NOMO2: variants seen among roughly 807,000 people sequenced by gnomAD.
NOMO2 encodes BOS complex subunit NOMO2.
NOMO2 carries 14 observed loss-of-function variants against 67.1 expected under a neutral mutation model. That is an observed-to-expected ratio of 0.21 (90% CI 0.14 to 0.33). NOMO2 has a LOEUF of 0.33. Among genes scored for constraint, NOMO2 ranks in the 10% least tolerant of loss-of-function variants. The probability of loss-of-function intolerance (pLI) is 1.00; values close to 1 mark genes in which losing one functional copy is unlikely to be tolerated. For synonymous variants in NOMO2, 80 were observed against 305.9 expected, an observed-to-expected ratio of 0.26 and a Z score of 7.71; for missense variants, 178 against 761.0, an observed-to-expected ratio of 0.23 and a Z score of 9.01.
At chr16:18,561,307 T>C (rs1024432784) in intron 1 of NOMO2, among the ~76,000 whole-genome samples, 11 of 136,636 alleles carry the variant, frequency 8.1e-5, no homozygotes, top group Non-Finnish European at 1.7e-4. Context: ...GCCGGAGAAA[T>C]AAAAAATAGC....
intron 15 of NOMO2, chr16:18,528,048 C>T (rs1901185171): frequency 4.3e-6 from 2 of 469,268 alleles, no homozygotes; most frequent in Non-Finnish European, 8.5e-6. Flanking sequence ...CAGGGCACAT[C>T]TCTCCTGAAC....
chr16:18,560,813 C>T (rs1452298611), intron 1 of NOMO2, among the ~76,000 whole-genome samples: 1 of 151,628 alleles, frequency 6.6e-6, no homozygotes, highest in Non-Finnish European at 1.5e-5. Context: ...CCTCAGCAGC[C>T]CGCTTTGCAG....
chr16:18,529,425 C>G, intron 15 of NOMO2, 76 bp downstream of exon 15: 1 of 1,611,354 alleles, frequency 6.2e-7, no homozygotes, highest in Non-Finnish European at 8.5e-7. Context: ...TTACAATATT[C>G]CTGGGATGTT....
chr16:18,529,411 A>G lies in NOMO2; in HGVS notation c.1806+90T>C, dbSNP rs751729462. 3.1e-6 allele frequency: 5 copies of G among 1,610,920 alleles called. No individual in the cohort carries two copies. The African/African-American group carries it at 6.7e-5, about 22-fold the overall frequency. The stretch of plus-strand genomic sequence containing the variant: ...GCAGAAAAGGAAATCTGACTTGCCT[A>G]CGTTTACAATATTCCTGGGATGTTA... On this transcript the variant is annotated intron_variant, in intron 15 of 30. Transcript: ENST00000622306.
intron 3 of NOMO2, among the ~76,000 whole-genome samples, chr16:18,553,283 AATAAAATATAAATATTTT>A (rs1179910696): frequency 2.0e-5 from 3 of 151,176 alleles, no homozygotes; most frequent in East Asian, 1.9e-4. Flanking sequence ...AAAAAAATAA[AATAAAATATAAATATTTT>A]ATAAAATATA....
intron 1 of NOMO2, chr16:18,558,985 G>A (rs1901977119): frequency 1.5e-5 from 6 of 392,714 alleles, no homozygotes; most frequent in South Asian, 5.3e-5. Context: ...GGACAACACA[G>A]CCACACCTCA....
chr16:18,536,893 A>C (rs751385884), intron 11 of NOMO2, among the ~76,000 whole-genome samples: 2 of 152,006 alleles, frequency 1.3e-5, no homozygotes, highest in East Asian at 3.9e-4. Context: ...ATCTGTCTAC[A>C]GAAGAGTCAC....
chr16:18,544,468 G>T (rs1425026154), intron 6 of NOMO2, among the ~76,000 whole-genome samples: 1 of 152,120 alleles, frequency 6.6e-6, no homozygotes, highest in Non-Finnish European at 1.5e-5. Context: ...TTCTCTGTAC[G>T]TGTTGCCAAG....
At chr16:18,531,319 A>C (rs1901292273) in intron 13 of NOMO2, 147 bp downstream of exon 13, 1 of 1,252,360 alleles carries the variant, frequency 8.0e-7, no homozygotes, top group Non-Finnish European at 1.1e-6. Flanking sequence ...TCAAGCTAAC[A>C]TGCACCCACT....
At chr16:18,556,473 C>T (rs1326549871) in intron 2 of NOMO2, among the ~76,000 whole-genome samples, 2 of 149,744 alleles carry the variant, frequency 1.3e-5, no homozygotes, top group African/African-American at 4.9e-5. Flanking sequence ...GTAGATCTAT[C>T]TATGCTAATG....
intron 11 of NOMO2, among the ~76,000 whole-genome samples, chr16:18,536,091 C>T (rs1233736110): frequency 3.3e-5 from 5 of 152,102 alleles, no homozygotes; most frequent in Non-Finnish European, 5.9e-5. Context: ...CCACCATGCC[C>T]GGCCAACCAA....
At chr16:18,538,994 T>A (rs1901487675) in intron 9 of NOMO2, 30 bp from the exon 10 acceptor site, 2 of 1,600,066 alleles carry the variant, frequency 1.2e-6, no homozygotes, top group African/African-American at 1.3e-5. Context: ...AAGAAGGTGC[T>A]CGAAGGTGCT....
In NOMO2 at chr16:18,533,154, T is replaced by C. The variant is rs1901342732; in HGVS notation, c.1246A>G (p.Ile416Val). The change falls in exon 12 of 31, where the codon ATC (isoleucine) becomes GTC (valine). Residue 416 changes from isoleucine (I) to valine (V), a missense_variant. Coordinates refer to ENST00000622306, the MANE Select transcript of NOMO2 (RefSeq NM_173614.4). ...TGFSVCGRIS[I>V]IRFPDTVKQM... ...TTGACGGTGTCCGGGAAGCGAATGA[T>C]TGATATCCGACCACAGACACTGAAC... 6.2e-7 allele frequency: 1 copy of C among 1,611,368 alleles called. No individual in the cohort carries two copies. Among genetic ancestry groups the C allele is most frequent in the Admixed American group, 1.7e-5 (1 of 59,926 alleles).
At chr16:18,557,162 A>T (rs1381975705) in intron 2 of NOMO2, among the ~76,000 whole-genome samples, 1 of 152,074 alleles carries the variant, frequency 6.6e-6, no homozygotes, top group Non-Finnish European at 1.5e-5. Flanking sequence ...AAAAACCTTT[A>T]TCAGATTATC....
In NOMO2 at chr16:18,561,990, G is replaced by A. The variant is rs1201804938; in HGVS notation, c.51C>T (p.Ala17=). 3.2e-6 allele frequency: 5 copies of A among 1,558,002 alleles called. No homozygotes were observed. The South Asian group carries it at 4.7e-5, about 15-fold the overall frequency. Residue 17 remains alanine, a synonymous_variant, in exon 1 of 31, where the codon GCC becomes GCT. Coordinates refer to ENST00000622306, the MANE Select transcript of NOMO2 (RefSeq NM_173614.4). ...AGLLGPAVVT[A]AVVLLLSGVG... is the part of the protein sequence containing the mutation. The stretch of plus-strand genomic sequence containing the variant: ...CGCCGCTCAGCAGCAGCACCACCGC[G>A]GCGGTGACCACCGCGGGCCCCAGCA...
intron 4 of NOMO2, among the ~76,000 whole-genome samples, 192 bp downstream of exon 4, chr16:18,551,247 A>G (rs1232330500): frequency 6.6e-6 from 1 of 151,984 alleles, no homozygotes; most frequent in African/African-American, 2.4e-5. Flanking sequence ...AGCAACCTCA[A>G]TCTCACTCCT....
intron 12 of NOMO2, 88 bp from the exon 13 acceptor site, chr16:18,531,695 T>C (rs7203700): frequency 0.025 from 38,733 of 1,522,964 alleles, 158 homozygotes; most frequent in East Asian, 0.2. Context: ...CATCTGGGAC[T>C]AAGGCTAAAG....
At chr16:18,557,478 G>A (rs1002583438) in intron 2 of NOMO2, among the ~76,000 whole-genome samples, 13 of 151,660 alleles carry the variant, frequency 8.6e-5, no homozygotes, top group Admixed American at 2.6e-4. Context: ...CAACAAAAAC[G>A]TCTCTAGACA....
intron 3 of NOMO2, among the ~76,000 whole-genome samples, chr16:18,553,513 G>C (rs1245290947): frequency 1.3e-5 from 2 of 151,492 alleles, no homozygotes; most frequent in East Asian, 1.9e-4. Context: ...GTCACCTGGA[G>C]GGTGGGGCGG....
Sources: allele counts gnomAD v4.1 joint callset (sites outside exome capture counted in the v4.1 genomes callset), GRCh38; gene constraint gnomAD v4.1.1; transcripts MANE v1.5; gene names NCBI Gene and HGNC (gene_info 2026-07-23, HGNC 2026-07-21).